The following CIROZ variants were observed in gnomAD, a reference collection of about 807,000 sequenced individuals.
The protein encoded by CIROZ is ciliated left-right organizer ZP-N domains-containing protein.
chr1:10,946,939 C>T, the CIROZ span, among the ~76,000 whole-genome samples: 10 of 152,198 alleles, frequency 6.6e-5, no homozygotes, highest in African/African-American at 9.7e-5. Flanking sequence ...GCCCTCCATG[C>T]TTTCCTAGGC....
chr1:10,973,962 C>CCCCCA, the CIROZ span, among the ~76,000 whole-genome samples: 30,319 of 151,452 alleles, frequency 0.2, 3,159 homozygotes, highest in Non-Finnish European at 0.22. Flanking sequence ...AAGGACCCCC[C>CCCCCA]CCACCAAGTC....
chr1:10,964,289 T>C, the CIROZ span: 3 of 1,597,674 alleles, frequency 1.9e-6, no homozygotes, highest in Non-Finnish European at 2.6e-6. Context: ...TAGGGCAAAA[T>C]TCATGTATGC....
At chr1:10,951,730 TAAAA>T in the CIROZ span, among the ~76,000 whole-genome samples, 1 of 125,378 alleles carries the variant, frequency 8.0e-6, no homozygotes, top group African/African-American at 3.3e-5. Flanking sequence ...GTCTCTTATT[TAAAA>T]AAAAAAAAAA....
the CIROZ span, among the ~76,000 whole-genome samples, chr1:10,951,729 T>C: frequency 9.1e-6 from 1 of 110,194 alleles, no homozygotes; most frequent in Non-Finnish European, 1.8e-5. Flanking sequence ...TGTCTCTTAT[T>C]TAAAAAAAAA....
the CIROZ span, among the ~76,000 whole-genome samples, chr1:10,979,207 T>C: frequency 6.6e-6 from 1 of 152,234 alleles, no homozygotes; most frequent in South Asian, 2.1e-4. Flanking sequence ...TGGCCATGGC[T>C]GGTCTTGAGC....
At chr1:10,958,818 C>T in the CIROZ span, 7 of 1,567,178 alleles carry the variant, frequency 4.5e-6, 1 homozygote, top group South Asian at 7.9e-5. Context: ...AACATCCCTG[C>T]CTGTGCCCAT....
At chr1:10,951,745 A>AAATATATAT in the CIROZ span, among the ~76,000 whole-genome samples, 1 of 119,206 alleles carries the variant, frequency 8.4e-6, no homozygotes, top group African/African-American at 3.6e-5. Flanking sequence ...AAAAAAAAAA[A>AAATATATAT]ATATATATAT....
the CIROZ span, among the ~76,000 whole-genome samples, chr1:10,955,792 C>T: frequency 3.8e-4 from 57 of 148,278 alleles, no homozygotes; most frequent in African/African-American, 1.3e-3. Context: ...TGCAATGAGC[C>T]GAGATCGCAC....
the CIROZ span, chr1:10,949,174 A>C: frequency 3.9e-6 from 1 of 254,754 alleles, no homozygotes; most frequent in Non-Finnish European, 7.4e-6. Flanking sequence ...CAGTAAGCCA[A>C]GATCGTGCCA....
chr1:10,979,692 G>C, the CIROZ span, among the ~76,000 whole-genome samples: 1 of 152,126 alleles, frequency 6.6e-6, no homozygotes, highest in African/African-American at 2.4e-5. Context: ...GCCCAGCAGT[G>C]GTAGAATGGA....
chr1:10,951,551 T>TA, the CIROZ span, among the ~76,000 whole-genome samples: 759 of 125,592 alleles, frequency 6.0e-3, 6 homozygotes, highest in South Asian at 0.028. Context: ...TGTCTCGGGG[T>TA]AAAAAAAAAA....
chr1:10,952,171 C>T, the CIROZ span, among the ~76,000 whole-genome samples: 1 of 152,036 alleles, frequency 6.6e-6, no homozygotes, highest in African/African-American at 2.4e-5. Context: ...GGAGCATGCA[C>T]CATAACTATA....
At chr1:10,951,745 A>AAAAAAAATATATATATATAT in the CIROZ span, among the ~76,000 whole-genome samples, 1 of 119,206 alleles carries the variant, frequency 8.4e-6, no homozygotes, top group African/African-American at 3.6e-5. Flanking sequence ...AAAAAAAAAA[A>AAAAAAAATATATATATATAT]ATATATATAT....
chr1:10,954,097 T>C, the CIROZ span: 3 of 1,613,488 alleles, frequency 1.9e-6, no homozygotes, highest in South Asian at 3.3e-5. Context: ...AGGTCTACCC[T>C]ATAGAAAGCT....
the CIROZ span, among the ~76,000 whole-genome samples, chr1:10,959,442 C>T: frequency 6.6e-6 from 1 of 152,312 alleles, no homozygotes; most frequent in African/African-American, 2.4e-5. The surrounding 1 kb of genome is among the most constrained non-coding windows in gnomAD (Gnocchi z 4.3). Context: ...TCCCCAAAAC[C>T]CCTCTGCAGC....
chr1:10,955,960 A>C, the CIROZ span, among the ~76,000 whole-genome samples: 31 of 152,112 alleles, frequency 2.0e-4, no homozygotes, highest in Admixed American at 5.9e-4. Context: ...TGCAGCTGCT[A>C]ATGGAAGCAT....
chr1:10,974,414 C>G, the CIROZ span, among the ~76,000 whole-genome samples: 1 of 152,090 alleles, frequency 6.6e-6, no homozygotes, highest in African/African-American at 2.4e-5. This position sits in a 1 kb window ranked among gnomAD's most constrained non-coding sequence, Gnocchi z 4.4. Flanking sequence ...GAAAAGCTAA[C>G]CGCTCTGCTG....
At chr1:10,969,223 A>G in the CIROZ span, among the ~76,000 whole-genome samples, 1 of 152,074 alleles carries the variant, frequency 6.6e-6, no homozygotes, top group Admixed American at 6.6e-5. Context: ...GAGAGGAGGA[A>G]CCTGGGGGCT....
At chr1:10,968,209 T>C in the CIROZ span, among the ~76,000 whole-genome samples, 6 of 152,202 alleles carry the variant, frequency 3.9e-5, no homozygotes, top group Non-Finnish European at 7.3e-5. Flanking sequence ...TAAAGGGGGC[T>C]ATCTCTGGGT....
Sources: allele counts gnomAD v4.1 joint callset (sites outside exome capture counted in the v4.1 genomes callset), GRCh38; gene constraint gnomAD v4.1.1; non-coding constraint Gnocchi (gnomAD v3.1); transcripts MANE v1.5; gene names NCBI Gene and HGNC (gene_info 2026-07-23, HGNC 2026-07-21).